The following CSRNP3 variants were observed in gnomAD, a reference collection of about 807,000 sequenced individuals.
CSRNP3 encodes the protein cysteine/serine-rich nuclear protein 3.
Under a neutral mutation model 48.0 loss-of-function variants are expected in CSRNP3, and 12 were observed. That is an observed-to-expected ratio of 0.25 (90% CI 0.16 to 0.41). CSRNP3 has a LOEUF of 0.41. Ranked by LOEUF, CSRNP3 falls within the 10% of genes least tolerant of loss-of-function variation. The pLI is 1.00. For missense variants in CSRNP3, 580 were observed against 724.4 expected, an observed-to-expected ratio of 0.80 and a Z score of 2.29; for synonymous variants, 263 against 269.7, an observed-to-expected ratio of 0.98 and a Z score of 0.24.
At chr2:165,555,328 A>G (rs1318711020) in intron 3 of CSRNP3, among the ~76,000 whole-genome samples, 1 of 152,210 alleles carries the variant, frequency 6.6e-6, no homozygotes, top group Non-Finnish European at 1.5e-5. Context: ...TACCTGTAAT[A>G]TAGATAGCAT....
intron 5 of CSRNP3, among the ~76,000 whole-genome samples, chr2:165,662,683 A>G (rs374578858): frequency 2.0e-4 from 30 of 152,316 alleles, no homozygotes; most frequent in African/African-American, 2.4e-4. Context: ...TGGTGTTCCA[A>G]TTGCCTCTGG....
intron 4 of CSRNP3, among the ~76,000 whole-genome samples, chr2:165,646,947 G>A (rs1573941674): frequency 6.6e-6 from 1 of 152,076 alleles, no homozygotes; most frequent in Non-Finnish European, 1.5e-5. Flanking sequence ...TAGTGGCAGT[G>A]AAATTTGTTT....
At chr2:165,623,095 A>C (rs972329369) in intron 4 of CSRNP3, among the ~76,000 whole-genome samples, 1 of 152,208 alleles carries the variant, frequency 6.6e-6, no homozygotes, top group Non-Finnish European at 1.5e-5. Context: ...TAAAATAAAA[A>C]AATGACAATT....
rs1687556886 is a variant in CSRNP3, at chr2:165,682,057, A to G, written c.*2304A>G. Reference sequence around the variant, plus strand: ...TGAAGTACTCTGAGGTTATTCTTGGAACACAGAGTGTGGGAGAGTGGGGAA... The same window carrying G: ...TGAAGTACTCTGAGGTTATTCTTGGGACACAGAGTGTGGGAGAGTGGGGAA... On this transcript the variant is annotated 3_prime_UTR_variant, in exon 7 of 7. Coordinates refer to ENST00000651982, the MANE Select transcript of CSRNP3 (RefSeq NM_001172173.2). The G allele has an allele frequency of 6.6e-6, 1 of 151,906 alleles. No individual in the cohort carries two copies. Among genetic ancestry groups the G allele is most frequent in the African/African-American group, 2.4e-5 (1 of 41,358 alleles). The allele number at this position is 151,906 out of a possible 1,614,324, so 9.4% of individuals were successfully genotyped here. A position where few individuals can be genotyped will look rare whatever the true frequency, so the allele number is the denominator to read the frequency against.
In CSRNP3 at chr2:165,501,394, G is replaced by A. The variant is rs1574807384; in HGVS notation, c.-113+6466G>A. 2.0e-5 allele frequency among the ~76,000 whole-genome samples: 3 copies of A among 152,214 alleles called. No homozygotes were observed. In the South Asian group the frequency reaches 6.2e-4, roughly 32 times the overall value. On this transcript the variant is annotated intron_variant, in intron 2 of 6. Transcript: ENST00000651982. ...ATGGAGTCCAAAAAGGATAAACACA[G>A]CCTACATTAACATTATCATTTTCAA...
At chr2:165,570,771 A>G (rs1685362554) in intron 3 of CSRNP3, among the ~76,000 whole-genome samples, 1 of 151,952 alleles carries the variant, frequency 6.6e-6, no homozygotes, top group African/African-American at 2.4e-5. Context: ...TGCTGTGCTA[A>G]AAATGAACAT....
At chr2:165,543,669 T>C (rs181117214) in intron 3 of CSRNP3, among the ~76,000 whole-genome samples, 1 of 152,284 alleles carries the variant, frequency 6.6e-6, no homozygotes, top group African/African-American at 2.4e-5. Context: ...TTTTTAATTT[T>C]CATGGGCACA....
In CSRNP3 at chr2:165,685,032, A is replaced by G. The variant is rs1687608162; in HGVS notation, c.*5279A>G. 6.6e-6 allele frequency: 1 copy of G among 152,116 alleles called. No homozygotes were observed. Among genetic ancestry groups the G allele is most frequent in the Non-Finnish European group, 1.5e-5 (1 of 67,982 alleles). 9.4% of individuals were successfully genotyped at this position (152,116 alleles called of 1,614,324 possible). ...CAGTCTGTAAGTCATTTGATGCTTT[A>G]GAAAATAAAAACACACACCTACAGC... On this transcript the variant is annotated 3_prime_UTR_variant, in exon 7 of 7. Transcript: ENST00000651982.
chr2:165,594,773 A>G (rs116237159), intron 3 of CSRNP3, among the ~76,000 whole-genome samples: 1 of 152,226 alleles, frequency 6.6e-6, no homozygotes, highest in African/African-American at 2.4e-5. Flanking sequence ...CAATTTGCCA[A>G]TAAAAAGGAA....
intron 2 of CSRNP3, among the ~76,000 whole-genome samples, chr2:165,497,758 AG>A (rs1684302409): frequency 1.3e-5 from 2 of 152,024 alleles, no homozygotes; most frequent in Non-Finnish European, 2.9e-5. Context: ...TCAAAATGTG[AG>A]CTGGTGGCAG....
chr2:165,673,230 C>G (rs186070185), intron 5 of CSRNP3, among the ~76,000 whole-genome samples: 2 of 143,634 alleles, frequency 1.4e-5, no homozygotes, highest in East Asian at 4.2e-4. Context: ...CTTTGCCTCC[C>G]AGGTTCAAGT....
intron 4 of CSRNP3, among the ~76,000 whole-genome samples, chr2:165,617,780 C>T (rs1299732365): frequency 6.6e-6 from 1 of 152,150 alleles, no homozygotes; most frequent in East Asian, 1.9e-4. Context: ...TCTTCAGCTC[C>T]CTATGTCCTG....
intron 4 of CSRNP3, among the ~76,000 whole-genome samples, chr2:165,654,386 T>C (rs920936495): frequency 2.0e-5 from 3 of 152,202 alleles, no homozygotes; most frequent in Admixed American, 6.5e-5. Flanking sequence ...TTACAATGAA[T>C]ATATACATAA....
At chr2:165,588,547 G>A (rs541339652) in intron 3 of CSRNP3, among the ~76,000 whole-genome samples, 6 of 152,318 alleles carry the variant, frequency 3.9e-5, no homozygotes, top group African/African-American at 1.2e-4. Context: ...ATTGGACAAC[G>A]ATAGCTGTGA....
At chr2:165,640,498 T>C (rs1447735280) in intron 4 of CSRNP3, among the ~76,000 whole-genome samples, 5 of 152,188 alleles carry the variant, frequency 3.3e-5, no homozygotes, top group Non-Finnish European at 5.9e-5. Flanking sequence ...CTCCAAAGCC[T>C]GCATCATTAG....
chr2:165,535,678 G>T (rs976043958), intron 3 of CSRNP3, among the ~76,000 whole-genome samples: 1 of 151,774 alleles, frequency 6.6e-6, no homozygotes, highest in African/African-American at 2.4e-5. Flanking sequence ...TAAAAATCTT[G>T]CTGGCCTAGA....
At chr2:165,480,352 A>G (rs1025871534) in intron 1 of CSRNP3, among the ~76,000 whole-genome samples, 2 of 152,186 alleles carry the variant, frequency 1.3e-5, no homozygotes, top group East Asian at 1.9e-4. Context: ...ACATAACACA[A>G]TCGCAGGAGT....
rs373914255 is a variant in CSRNP3, at chr2:165,614,269, T to C, written c.148+19056T>C. ...AGTATAGAAACACTACTGATATTTGTATGCTGATTATGTATCCTGCGACTT... is the reference window on the plus strand; with the variant it reads ...AGTATAGAAACACTACTGATATTTGCATGCTGATTATGTATCCTGCGACTT... On this transcript the variant is annotated intron_variant, in intron 4 of 6. Transcript: ENST00000651982. Among the ~76,000 whole-genome samples the C allele has an allele frequency of 9.2e-5, 14 of 152,296 alleles. No homozygotes were observed. In the East Asian group the frequency reaches 2.3e-3, roughly 25 times the overall value.
At chr2:165,502,422 A>G (rs1277372902) in intron 2 of CSRNP3, among the ~76,000 whole-genome samples, 1 of 152,024 alleles carries the variant, frequency 6.6e-6, no homozygotes, top group East Asian at 1.9e-4. Flanking sequence ...TTGTATTTAT[A>G]TGCTTTATCC....
Sources: allele counts gnomAD v4.1 joint callset (sites outside exome capture counted in the v4.1 genomes callset), GRCh38; gene constraint gnomAD v4.1.1; transcripts MANE v1.5; gene names NCBI Gene and HGNC (gene_info 2026-07-23, HGNC 2026-07-21).